TPD52L2: variants seen among roughly 807,000 people sequenced by gnomAD.
The protein encoded by TPD52L2 is tumor protein D54.
A neutral mutation model predicts 24.7 loss-of-function variants in TPD52L2; 19 were observed. The ratio of observed to expected loss-of-function variants is 0.77; its 90% CI spans 0.54 to 1.13. The LOEUF is 1.13. Ranked by LOEUF, TPD52L2 falls within the 50% of genes most tolerant of loss-of-function variation. The probability of loss-of-function intolerance (pLI) is 0.00; values close to 1 mark genes in which losing one functional copy is unlikely to be tolerated. For synonymous variants in TPD52L2, 104 were observed against 100.2 expected (o/e 1.04, Z -0.23); for missense variants, 236 against 250.4 (o/e 0.94, Z 0.39).
chr20:63,874,263 G>A (rs1478146492), intron 3 of TPD52L2, among the ~76,000 whole-genome samples: 1 of 146,106 alleles, frequency 6.8e-6, no homozygotes, highest in African/African-American at 2.6e-5. Flanking sequence ...TGTGTTTTTA[G>A]TAGAGATGGG....
intron 4 of TPD52L2, among the ~76,000 whole-genome samples, chr20:63,880,219 A>T (rs1410826873): frequency 6.9e-5 from 4 of 58,012 alleles, no homozygotes; most frequent in African/African-American, 1.6e-4. Flanking sequence ...CCCCACTCTT[A>T]GGGCACAAAT....
At position 63,890,019 on chromosome 20, in the gene TPD52L2, G is replaced by C. The variant is rs781625490; in HGVS notation, c.*74G>C. 6.3e-7 allele frequency: 1 copy of C among 1,596,054 alleles called. No individual in the cohort carries two copies. The highest frequency in any genetic ancestry group is 1.3e-5 in the African/African-American group (1 of 74,748). On this transcript the variant is annotated 3_prime_UTR_variant, in exon 7 of 7. Coordinates refer to ENST00000346249, the MANE Select transcript of TPD52L2 (RefSeq NM_003288.4). ...CATCACAGCCGCAGCTCTGTTCAGCGGAGCAGCCAGCCAGGGCGGATGAGC... is the reference window on the plus strand; with the variant it reads ...CATCACAGCCGCAGCTCTGTTCAGCCGAGCAGCCAGCCAGGGCGGATGAGC...
rs757752170 is a variant in TPD52L2 at position 63,889,174 on chromosome 20, C to T, written c.477-16C>T. ...CTCTCCTCTTGACACCGACACTCTTCCCTCTCTCTTTAAAGGAACTCTGCG... is the reference window on the plus strand; with the variant it reads ...CTCTCCTCTTGACACCGACACTCTTTCCTCTCTCTTTAAAGGAACTCTGCG... On this transcript the variant is annotated splice_polypyrimidine_tract_variant and intron_variant, in intron 5 of 6. Transcript: ENST00000346249. 5 of 1,612,620 alleles carry T rather than the reference C, an allele frequency of 3.1e-6. No individual in the cohort carries two copies. The highest frequency in any genetic ancestry group is 3.4e-6 in the Non-Finnish European group (4 of 1,179,212).
Position 63,882,831 on chromosome 20 carries a change from A to G in TPD52L2, c.476+11A>G, listed in dbSNP as rs761484018. ...GCTTGGAGACATGAGGTGAGACGCA[A>G]CCCTGACTCTGCTGCCCTGAGACCT... is the stretch of plus-strand genomic sequence containing the variant. On this transcript the variant is annotated intron_variant, in intron 5 of 6. Coordinates refer to ENST00000346249, the MANE Select transcript of TPD52L2 (RefSeq NM_003288.4). 1.2e-6 allele frequency: 2 copies of G among 1,601,534 alleles called. No individual in the cohort carries two copies. The highest frequency in any genetic ancestry group is 1.7e-6 in the Non-Finnish European group (2 of 1,172,102).
Position 63,882,478 on chromosome 20 carries a change from G to A in TPD52L2, c.375-241G>A, listed in dbSNP as rs374857854. ...TTGCAGGGCTGGGGGGCCGAGACTC[G>A]GCAGGGTCGCCGAGAGCTCAGTGAG... On this transcript the variant is annotated intron_variant, in intron 4 of 6. Coordinates refer to ENST00000346249, the MANE Select transcript of TPD52L2 (RefSeq NM_003288.4). 5.3e-4 allele frequency among the ~76,000 whole-genome samples: 80 copies of A among 152,362 alleles called. 1 individual carries two copies. Among genetic ancestry groups the A allele is most frequent in the African/African-American group, 1.9e-3 (78 of 41,596 alleles).
chr20:63,885,384 GTTC>G (rs1203720484), intron 5 of TPD52L2, among the ~76,000 whole-genome samples: 4 of 152,244 alleles, frequency 2.6e-5, no homozygotes, highest in Non-Finnish European at 5.9e-5. Flanking sequence ...GTGTTTCTCA[GTTC>G]TTCAGTGGCT....
chr20:63,872,732 T>C (rs1328974872), intron 2 of TPD52L2, among the ~76,000 whole-genome samples: 1 of 150,838 alleles, frequency 6.6e-6, no homozygotes, highest in Non-Finnish European at 1.5e-5. Context: ...AGATGGAGTC[T>C]CGCTCTGTCA....
chr20:63,873,885 G>C (rs1028995295), intron 3 of TPD52L2, 69 bp downstream of exon 3: 3 of 1,404,588 alleles, frequency 2.1e-6, no homozygotes, highest in Non-Finnish European at 2.8e-6. Flanking sequence ...CCCGGCATGT[G>C]GGGGGGCGTC....
At chr20:63,885,873 G>A (rs1347145112) in intron 5 of TPD52L2, 20 of 805,176 alleles carry the variant, frequency 2.5e-5, no homozygotes, top group African/African-American at 3.4e-5. Flanking sequence ...TGGAGGAGCC[G>A]TCCTGGAGGG....
At chr20:63,868,733 C>T (rs570082995) in intron 1 of TPD52L2, among the ~76,000 whole-genome samples, 104 of 152,278 alleles carry the variant, frequency 6.8e-4, no homozygotes, top group African/African-American at 2.3e-3. Flanking sequence ...CACCCGAGGT[C>T]GGGAATTGGA....
intron 5 of TPD52L2, among the ~76,000 whole-genome samples, chr20:63,886,454 G>A (rs1161330385): frequency 6.4e-4 from 96 of 150,226 alleles, no homozygotes; most frequent in Admixed American, 4.9e-3. Flanking sequence ...TCCGCCTCCC[G>A]GGTTCACGCC....
chr20:63,889,954 T>C lies in TPD52L2; in HGVS notation c.*9T>C, dbSNP rs951733038. 1.2e-6 allele frequency: 2 copies of C among 1,613,880 alleles called. No individual in the cohort carries two copies. The highest frequency in any genetic ancestry group is 1.7e-6 in the Non-Finnish European group (2 of 1,180,038). The stretch of plus-strand genomic sequence containing the variant: ...ATCCCGCACCTTTCTAAGCCTGTGG[T>C]TGCTTCACCCGCTGCAGAGCACACG... On this transcript the variant is annotated 3_prime_UTR_variant, in exon 7 of 7. Coordinates refer to ENST00000346249, the MANE Select transcript of TPD52L2 (RefSeq NM_003288.4).
At position 63,865,313 on chromosome 20, in the gene TPD52L2, C is replaced by T; in HGVS notation, c.-53C>T. 2.0e-6 allele frequency: 3 copies of T among 1,499,788 alleles called. No homozygotes were observed. The highest frequency in any genetic ancestry group is 2.7e-6 in the Non-Finnish European group (3 of 1,130,516). The allele number at this position is 1,499,788 out of a possible 1,614,324, so 92.9% of individuals were successfully genotyped here. On this transcript the variant is annotated 5_prime_UTR_variant, in exon 1 of 7. Coordinates refer to ENST00000346249, the MANE Select transcript of TPD52L2 (RefSeq NM_003288.4). ...GTACGCGGCGAGCTTCTCCCGGCGC[C>T]GCCCGCTCGGCTCCCATAGCGCCCG...
At chr20:63,867,706 A>G (rs2052305998) in intron 1 of TPD52L2, among the ~76,000 whole-genome samples, 1 of 151,822 alleles carries the variant, frequency 6.6e-6, no homozygotes, top group South Asian at 2.1e-4. Context: ...TTTTAAGAAG[A>G]GTATCTTTGT....
At chr20:63,887,489 G>A in intron 5 of TPD52L2, 1 of 1,524,836 alleles carries the variant, frequency 6.6e-7, no homozygotes, top group Non-Finnish European at 9.1e-7. Flanking sequence ...GCCCATCCCT[G>A]CCAAGTTGGG....
At chr20:63,869,208 C>CTG in intron 1 of TPD52L2, 88 bp from the exon 2 acceptor site, 1 of 1,505,104 alleles carries the variant, frequency 6.6e-7, no homozygotes, top group Non-Finnish European at 9.2e-7. Flanking sequence ...CCACTCCCAC[C>CTG]TGTGCTTTTG....
intron 2 of TPD52L2, among the ~76,000 whole-genome samples, chr20:63,870,973 C>A (rs1568940047): frequency 6.6e-6 from 1 of 151,838 alleles, no homozygotes; most frequent in Non-Finnish European, 1.5e-5. Context: ...ACCTTGGCCT[C>A]CCAGAGTGCT....
chr20:63,871,236 T>G (rs1166450147), intron 2 of TPD52L2, among the ~76,000 whole-genome samples: 1 of 151,574 alleles, frequency 6.6e-6, no homozygotes, highest in Non-Finnish European at 1.5e-5. Flanking sequence ...AGAGACAGAG[T>G]TTCACCATGT....
rs150777439 is a variant in TPD52L2, at chr20:63,889,210, C to T, written c.497C>T (p.Ser166Leu). Reference sequence around the variant, plus strand: ...TAAAGGAACTCTGCGACCTTCAAGTCGTTTGAGGACCGAGTTGGGACCATA... The same window carrying T: ...TAAAGGAACTCTGCGACCTTCAAGTTGTTTGAGGACCGAGTTGGGACCATA... ...GDMRNSATFK[S>L]FEDRVGTIKS... is the part of the protein sequence containing the mutation. The change falls in exon 6 of 7, where the codon TCG (serine) becomes TTG (leucine). Residue 166 changes from serine (S) to leucine (L), a missense_variant. Physicochemically the swap from Ser to Leu is moderately radical, Grantham distance 145. Coordinates refer to ENST00000346249, the MANE Select transcript of TPD52L2 (RefSeq NM_003288.4). 146 of 1,613,354 alleles carry T rather than the reference C, an allele frequency of 9.0e-5. No homozygotes were observed. Among genetic ancestry groups the T allele is most frequent in the Non-Finnish European group, 9.4e-5 (111 of 1,179,770 alleles).
Sources: allele counts gnomAD v4.1 joint callset (sites outside exome capture counted in the v4.1 genomes callset), GRCh38; gene constraint gnomAD v4.1.1; transcripts MANE v1.5; gene names NCBI Gene and HGNC (gene_info 2026-07-23, HGNC 2026-07-21).